The following FBN2 variants were observed in gnomAD, a reference collection of about 807,000 sequenced individuals.
FBN2 encodes the protein fibrillin-2.
A neutral mutation model predicts 355.6 loss-of-function variants in FBN2; 105 were observed. The observed-to-expected ratio is 0.30, with a 90% CI of 0.25 to 0.35. The LOEUF (loss-of-function observed/expected upper bound fraction) is 0.35, where lower values mean the gene tolerates loss of function less well. Ranked by LOEUF, FBN2 falls within the 10% of genes least tolerant of loss-of-function variation. The pLI, the probability that FBN2 is intolerant of heterozygous loss-of-function variation, is 1.00. For missense variants in FBN2, 3,280 were observed against 3,758.7 expected (o/e 0.87, Z 3.33); for synonymous variants, 1,350 against 1,301.2 (o/e 1.04, Z -0.81).
intron 5 of FBN2, among the ~76,000 whole-genome samples, chr5:128,494,635 G>C (rs147871371): frequency 5.8e-4 from 88 of 152,294 alleles, no homozygotes; most frequent in African/African-American, 2.0e-3. Context: ...TCAGGGACAA[G>C]AACAGTAAAA....
intron 5 of FBN2, among the ~76,000 whole-genome samples, chr5:128,500,884 A>G (rs1755791568): frequency 6.6e-6 from 1 of 152,196 alleles, no homozygotes; most frequent in Non-Finnish European, 1.5e-5. Flanking sequence ...CAAAAATAAA[A>G]AAACAGAAAG....
chr5:128,296,652 T>C (rs1749523533), intron 48 of FBN2, among the ~76,000 whole-genome samples: 1 of 152,182 alleles, frequency 6.6e-6, no homozygotes, highest in Admixed American at 6.5e-5. Flanking sequence ...TCTCTGATGG[T>C]AGTTTGTATT....
Position 128,382,839 on chromosome 5 carries a change from C to T in FBN2, c.1604-3949G>A, listed in dbSNP as rs1454054206. Among the ~76,000 whole-genome samples the T allele has an allele frequency of 2.0e-5, 3 of 152,168 alleles. No individual in the cohort carries two copies. The East Asian group carries it at 5.8e-4, about 29-fold the overall frequency. On this transcript the variant is annotated intron_variant, in intron 11 of 64. Coordinates refer to ENST00000262464, the MANE Select transcript of FBN2 (RefSeq NM_001999.4). ...CTATTGTCATAATTTCTTGCCTAGACTTATATAAAAATTTACTAGCTGGCG... is the reference window on the plus strand; with the variant it reads ...CTATTGTCATAATTTCTTGCCTAGATTTATATAAAAATTTACTAGCTGGCG...
Position 128,530,589 on chromosome 5 carries a change from A to G in FBN2, c.436+6T>C. ...GCAGTGAAAAGGCCACAAGTAAGAA[A>G]CATACTTGATTTTGATCCACAGGTT... On this transcript the variant is annotated splice_donor_region_variant and intron_variant, in intron 3 of 64. Coordinates refer to ENST00000262464, the MANE Select transcript of FBN2 (RefSeq NM_001999.4). 6.3e-7 allele frequency: 1 copy of G among 1,588,128 alleles called. No homozygotes were observed. The highest frequency in any genetic ancestry group is 1.7e-5 in the Admixed American group (1 of 59,952).
chr5:128,318,716 C>T lies in FBN2; in HGVS notation c.4594+163G>A, dbSNP rs185335464. On this transcript the variant is annotated intron_variant, in intron 35 of 64. Transcript: ENST00000262464. ...TTATTTACATAAAAATGCATCAATT[C>T]CATAGTTACAAATAAATGCATCTGA... 2.2e-3 allele frequency among the ~76,000 whole-genome samples: 341 copies of T among 152,140 alleles called. 1 individual carries two copies. Among genetic ancestry groups the T allele is most frequent in the Middle Eastern group, 3.4e-3 (1 of 292 alleles).
At chr5:128,402,372 G>A (rs186680836) in intron 8 of FBN2, among the ~76,000 whole-genome samples, 19 of 151,384 alleles carry the variant, frequency 1.3e-4, no homozygotes, top group Non-Finnish European at 2.4e-4. Flanking sequence ...ATTTTCTATC[G>A]CCCTTACTAC....
intron 2 of FBN2, 21 bp downstream of exon 2, chr5:128,536,381 C>A (rs772230558): frequency 2.5e-6 from 4 of 1,605,210 alleles, no homozygotes; most frequent in African/African-American, 1.3e-5. Context: ...CCCCAAGCTG[C>A]GATCCCTGCC....
At chr5:128,316,609 A>G (rs569681406) in intron 36 of FBN2, among the ~76,000 whole-genome samples, 1 of 152,332 alleles carries the variant, frequency 6.6e-6, no homozygotes, top group South Asian at 2.1e-4. Flanking sequence ...GCCCTGGTCT[A>G]CACTTCTACC....
At chr5:128,381,408 A>T (rs1010652678) in intron 11 of FBN2, among the ~76,000 whole-genome samples, 2 of 152,100 alleles carry the variant, frequency 1.3e-5, no homozygotes, top group Non-Finnish European at 2.9e-5. Context: ...AAAAGTTCCC[A>T]AACAGCAATG....
intron 6 of FBN2, among the ~76,000 whole-genome samples, chr5:128,464,345 A>C (rs1465200342): frequency 6.6e-6 from 1 of 152,218 alleles, no homozygotes; most frequent in East Asian, 1.9e-4. Flanking sequence ...TTGGGTTCAG[A>C]TTCTCATAAC....
intron 7 of FBN2, among the ~76,000 whole-genome samples, chr5:128,419,169 T>C (rs1281662594): frequency 6.6e-6 from 1 of 152,250 alleles, no homozygotes; most frequent in East Asian, 1.9e-4. Context: ...TTGGTTCTAA[T>C]AGTTTTTAGA....
intron 35 of FBN2, 68 bp downstream of exon 35, chr5:128,318,811 T>G: frequency 6.5e-7 from 1 of 1,542,848 alleles, no homozygotes; most frequent in Non-Finnish European, 8.9e-7. Context: ...TCTCAGGAAT[T>G]TTTATGCTTA....
At position 128,313,188 on chromosome 5, in the gene FBN2, T is replaced by C. The variant is rs189962679; in HGVS notation, c.4718-393A>G. Among the ~76,000 whole-genome samples, 10 of 152,318 alleles carry C rather than the reference T, an allele frequency of 6.6e-5. No individual in the cohort carries two copies. The East Asian group carries it at 1.9e-3, about 29-fold the overall frequency. ...CTTGCATAGCTAACTTTGCAGGTTTTGGAAAAGATAGCCTGCAACAAACTT... is the reference window on the plus strand; with the variant it reads ...CTTGCATAGCTAACTTTGCAGGTTTCGGAAAAGATAGCCTGCAACAAACTT... On this transcript the variant is annotated intron_variant, in intron 36 of 64. Coordinates refer to ENST00000262464, the MANE Select transcript of FBN2 (RefSeq NM_001999.4).
At chr5:128,327,641 T>C (rs1750590694) in intron 34 of FBN2, among the ~76,000 whole-genome samples, 1 of 151,960 alleles carries the variant, frequency 6.6e-6, no homozygotes, top group Non-Finnish European at 1.5e-5. Flanking sequence ...TTGTTTTTGT[T>C]TTTGTTTTTT....
intron 2 of FBN2, among the ~76,000 whole-genome samples, chr5:128,534,453 G>T (rs531028970): frequency 6.6e-6 from 1 of 152,252 alleles, no homozygotes; most frequent in Non-Finnish European, 1.5e-5. Flanking sequence ...TCCCTATTTT[G>T]TGCACTGTTT....
intron 5 of FBN2, among the ~76,000 whole-genome samples, chr5:128,488,012 A>G (rs1475264134): frequency 6.6e-6 from 1 of 152,180 alleles, no homozygotes; most frequent in African/African-American, 2.4e-5. Context: ...AAGTCATAGG[A>G]GTTATAAAAA....
chr5:128,432,006 T>C (rs1753639058), intron 7 of FBN2, among the ~76,000 whole-genome samples: 2 of 152,184 alleles, frequency 1.3e-5, no homozygotes, highest in Admixed American at 1.3e-4. Flanking sequence ...ATAAGGGGAC[T>C]ACTGTAATAA....
At chr5:128,327,027 C>T (rs1482839562) in intron 34 of FBN2, among the ~76,000 whole-genome samples, 1 of 152,300 alleles carries the variant, frequency 6.6e-6, no homozygotes, top group East Asian at 1.9e-4. Flanking sequence ...CTCCCACTAA[C>T]TCTTGTCAAG....
chr5:128,307,371 C>G (rs1749912351), intron 41 of FBN2, among the ~76,000 whole-genome samples, 168 bp from the exon 42 acceptor site: 1 of 152,078 alleles, frequency 6.6e-6, no homozygotes. Flanking sequence ...AGGAGTGGAT[C>G]TAGGCATTCT....
Sources: allele counts gnomAD v4.1 joint callset (sites outside exome capture counted in the v4.1 genomes callset), GRCh38; gene constraint gnomAD v4.1.1; transcripts MANE v1.5; gene names NCBI Gene and HGNC (gene_info 2026-07-23, HGNC 2026-07-21).